JAZF1: variants seen among roughly 807,000 people sequenced by gnomAD.
The protein encoded by JAZF1 is juxtaposed with another zinc finger protein 1.
In JAZF1, 8 loss-of-function variants were observed where a neutral mutation model predicts 26.4. That is an observed-to-expected ratio of 0.30 (90% confidence interval 0.18 to 0.55). The LOEUF is 0.55. Ranked by LOEUF, JAZF1 falls within the 20% of genes least tolerant of loss-of-function variation. JAZF1 has a pLI of 0.94. For missense variants in JAZF1, 199 were observed against 322.0 expected, an observed-to-expected ratio of 0.62 and a Z score of 2.92; for synonymous variants, 126 against 122.3, an observed-to-expected ratio of 1.03 and a Z score of -0.20.
chr7:28,086,611 T>C (rs1397206745), intron 1 of JAZF1, among the ~76,000 whole-genome samples: 1 of 152,178 alleles, frequency 6.6e-6, no homozygotes, highest in Non-Finnish European at 1.5e-5. Context: ...GGGGCAGCCC[T>C]GAGTAGTAAA....
At chr7:28,061,220 T>C (rs1562574180) in intron 1 of JAZF1, among the ~76,000 whole-genome samples, 1 of 142,708 alleles carries the variant, frequency 7.0e-6, no homozygotes, top group Non-Finnish European at 1.5e-5. Context: ...AAGGCATTAT[T>C]ATTACTATTA....
At chr7:27,944,167 A>C (rs769711276) in intron 2 of JAZF1, among the ~76,000 whole-genome samples, 1 of 152,146 alleles carries the variant, frequency 6.6e-6, no homozygotes, top group Non-Finnish European at 1.5e-5. Flanking sequence ...CACTACTACA[A>C]AAGGAACTAC....
At chr7:27,964,469 C>G (rs1027231431) in intron 2 of JAZF1, among the ~76,000 whole-genome samples, 1 of 151,728 alleles carries the variant, frequency 6.6e-6, no homozygotes, top group African/African-American at 2.4e-5. Context: ...AAATGTATGA[C>G]CCAATTAGAA....
At chr7:28,109,898 A>C (rs934706123) in intron 1 of JAZF1, among the ~76,000 whole-genome samples, 1 of 152,210 alleles carries the variant, frequency 6.6e-6, no homozygotes, top group Non-Finnish European at 1.5e-5. Context: ...CTTGAATCCT[A>C]AACAGCCTAA....
Position 27,897,430 on chromosome 7 carries a change from A to G in JAZF1, c.189-2014T>C, listed in dbSNP as rs577664872. On this transcript the variant is annotated intron_variant, in intron 2 of 4. Coordinates refer to ENST00000283928, the MANE Select transcript of JAZF1 (RefSeq NM_175061.4). ...TCAGGTTTATTCTCTGTAAAATGGG[A>G]ATGAGAGTAGGTAAGGAATTAACGT... Among the ~76,000 whole-genome samples the G allele has an allele frequency of 5.3e-5, 8 of 152,248 alleles. No homozygotes were observed. The East Asian group carries it at 1.5e-3, about 29-fold the overall frequency.
intron 1 of JAZF1, among the ~76,000 whole-genome samples, chr7:28,011,806 C>T (rs1782804895): frequency 6.6e-6 from 1 of 152,098 alleles, no homozygotes; most frequent in African/African-American, 2.4e-5. Flanking sequence ...CTTCTCAACG[C>T]CCTTTTATAA....
At chr7:27,942,346 G>A (rs1222230170) in intron 2 of JAZF1, among the ~76,000 whole-genome samples, 1 of 152,186 alleles carries the variant, frequency 6.6e-6, no homozygotes, top group African/African-American at 2.4e-5. Context: ...TCTCCCCTTT[G>A]TAGGTACAAA....
chr7:28,037,560 C>T (rs775468872), intron 1 of JAZF1, among the ~76,000 whole-genome samples: 22 of 152,096 alleles, frequency 1.4e-4, no homozygotes, highest in African/African-American at 4.3e-4. Flanking sequence ...CGGCTTTGAA[C>T]GGGTCCCTTC....
At chr7:27,921,035 G>A (rs980899265) in intron 2 of JAZF1, among the ~76,000 whole-genome samples, 4 of 152,166 alleles carry the variant, frequency 2.6e-5, no homozygotes, top group South Asian at 2.1e-4. Context: ...GTGTGTAAGC[G>A]CTTTATAAAT....
intron 1 of JAZF1, among the ~76,000 whole-genome samples, chr7:28,141,396 G>C (rs1705902050): frequency 6.6e-6 from 1 of 152,202 alleles, no homozygotes; most frequent in South Asian, 2.1e-4. Context: ...GAAAATTCCT[G>C]TAAGGTGTTG....
intron 2 of JAZF1, among the ~76,000 whole-genome samples, chr7:27,932,915 G>A (rs563366100): frequency 3.9e-5 from 6 of 152,094 alleles, no homozygotes; most frequent in East Asian, 1.9e-4. Flanking sequence ...TTGATATTGC[G>A]TATAAATACG....
intron 2 of JAZF1, among the ~76,000 whole-genome samples, chr7:27,923,639 C>CT (rs1200332900): frequency 6.6e-6 from 1 of 152,244 alleles, no homozygotes. Flanking sequence ...ATTCCTCTTG[C>CT]TCCATTCCCC....
At chr7:28,165,436 T>C (rs1014589657) in intron 1 of JAZF1, among the ~76,000 whole-genome samples, 1 of 152,110 alleles carries the variant, frequency 6.6e-6, no homozygotes, top group African/African-American at 2.4e-5. Flanking sequence ...ATTTGAATGT[T>C]ATAAAAAAGC....
chr7:27,926,742 C>T (rs1490809407), intron 2 of JAZF1, among the ~76,000 whole-genome samples: 1 of 152,254 alleles, frequency 6.6e-6, no homozygotes, highest in African/African-American at 2.4e-5. Context: ...GGCTGACAGA[C>T]AGCACTTCTT....
At chr7:27,924,327 C>T (rs943448623) in intron 2 of JAZF1, among the ~76,000 whole-genome samples, 4 of 152,170 alleles carry the variant, frequency 2.6e-5, no homozygotes, top group Non-Finnish European at 4.4e-5. Context: ...CCACCCGCCT[C>T]GGCCTCCTAA....
chr7:27,966,783 C>A (rs1785283822), intron 2 of JAZF1, among the ~76,000 whole-genome samples: 1 of 152,052 alleles, frequency 6.6e-6, no homozygotes, highest in South Asian at 2.1e-4. Context: ...TTTTTTTTGT[C>A]CAGAAAGTTC....
intron 2 of JAZF1, among the ~76,000 whole-genome samples, chr7:27,965,118 T>G (rs539365686): frequency 7.9e-5 from 12 of 152,196 alleles, no homozygotes; most frequent in Non-Finnish European, 1.8e-4. Context: ...GGTTAAAATA[T>G]GTACATACTG....
intron 1 of JAZF1, among the ~76,000 whole-genome samples, chr7:28,002,337 A>G (rs923794663): frequency 2.6e-5 from 4 of 152,342 alleles, no homozygotes; most frequent in Non-Finnish European, 5.9e-5. Context: ...GGGGGAAAAA[A>G]GAATAGAATA....
Position 27,832,454 on chromosome 7 carries a change from C to T in JAZF1, c.*346G>A, listed in dbSNP as rs1583420211. The stretch of plus-strand genomic sequence containing the variant: ...CTTGAAAAAAAAATCTCAGTGCCAG[C>T]CCCTCCTCCCCCCAGGTTGATACCA... On this transcript the variant is annotated 3_prime_UTR_variant, in exon 5 of 5. Coordinates refer to ENST00000283928, the MANE Select transcript of JAZF1 (RefSeq NM_175061.4). 1 of 232,644 alleles carries T rather than the reference C, an allele frequency of 4.3e-6. No individual in the cohort carries two copies. Among genetic ancestry groups the T allele is most frequent in the East Asian group, 6.2e-5 (1 of 16,124 alleles). The allele number at this position is 232,644 out of a possible 1,614,324, so 14.4% of individuals were successfully genotyped here.
Sources: gnomAD v4.1 joint callset for allele counts (sites outside exome capture counted in the v4.1 genomes callset) on GRCh38, gnomAD v4.1.1 for gene constraint, MANE v1.5 for transcripts, NCBI Gene and HGNC (gene_info 2026-07-23, HGNC 2026-07-21) for gene names.